The following ACOX1 variants were observed in gnomAD, a reference collection of about 807,000 sequenced individuals.
The protein encoded by ACOX1 is acyl-CoA oxidase 1, also known as peroxisomal acyl-coenzyme A oxidase 1.
ACOX1 carries 41 observed loss-of-function variants against 75.5 expected under a neutral mutation model. The ratio of observed to expected loss-of-function variants is 0.54; its 90% CI spans 0.42 to 0.70. The LOEUF is 0.70. ACOX1 is among the 30% of genes least tolerant of loss of function. ACOX1 has a pLI of 0.00. For synonymous variants in ACOX1, 303 were observed against 298.8 expected, an observed-to-expected ratio of 1.01 and a Z score of -0.15; for missense variants, 630 against 837.5, an observed-to-expected ratio of 0.75 and a Z score of 3.06.
intron 4 of ACOX1, among the ~76,000 whole-genome samples, chr17:75,956,965 CTCTCTCTATATA>C (rs1306428375): frequency 2.8e-4 from 4 of 14,358 alleles, no homozygotes; most frequent in African/African-American, 5.1e-4. Context: ...CTCTCTCTCT[CTCTCTCTATATA>C]TATATATATA....
rs1451805637 is a variant in ACOX1 at position 75,978,387 on chromosome 17, C to A, written c.269+147G>T. 7.1e-6 allele frequency: 8 copies of A among 1,129,340 alleles called. No individual in the cohort carries two copies. The highest frequency in any genetic ancestry group is 1.0e-5 in the Non-Finnish European group (8 of 773,654). 70.0% of individuals were successfully genotyped at this position (1,129,340 alleles called of 1,614,324 possible). A position where few individuals can be genotyped will look rare whatever the true frequency, so the allele number is the denominator to read the frequency against. On this transcript the variant is annotated intron_variant, in intron 2 of 13. Transcript: ENST00000293217. This position sits in a 1 kb window ranked among gnomAD's most constrained non-coding sequence, Gnocchi z 4.2. ...GGATTACAGGCGTGAGCCACCGCGC[C>A]CGGCCACACATATAACTTTATAAAG...
chr17:75,965,905 A>G (rs57278170), intron 2 of ACOX1, among the ~76,000 whole-genome samples: 8,787 of 151,466 alleles, frequency 0.058, 258 homozygotes, highest in East Asian at 0.096. Flanking sequence ...TGAGGCAGGC[A>G]GATCACCTGA....
rs2065772588 is a variant in ACOX1, at chr17:75,951,412, TACCTC to T, written c.1105_1107+2del. The T allele has an allele frequency of 6.2e-7, 1 of 1,613,910 alleles. No individual in the cohort carries two copies. Among genetic ancestry groups the T allele is most frequent in the Non-Finnish European group, 8.5e-7 (1 of 1,180,006 alleles). On this transcript the variant is annotated splice_donor_variant and coding_sequence_variant, in exon 8 of 14. Transcript: ENST00000293217. LOFTEE classifies it high-confidence loss of function. The stretch of plus-strand genomic sequence containing the variant: ...CCATGAGTGAATGAGACCAAACTCA[TACCTC>T]AGGCAGTTCACTCAGGTCCCCTTGA...
chr17:75,961,899 G>A (rs2065892195), intron 2 of ACOX1, among the ~76,000 whole-genome samples: 1 of 152,056 alleles, frequency 6.6e-6, no homozygotes, highest in African/African-American at 2.4e-5. Context: ...GAATTTGAGT[G>A]GTACTGGTAC....
chr17:75,950,630 G>GT lies in ACOX1; in HGVS notation c.1298+143dup. ...CTAGCCTCACCACGAAATAAAAACC[G>GT]TGAGTCAGGATGGAAGGCAAAAGTA... On this transcript the variant is annotated intron_variant, in intron 9 of 13. Coordinates refer to ENST00000293217, the MANE Select transcript of ACOX1 (RefSeq NM_004035.7). This position sits in a 1 kb window ranked among gnomAD's most constrained non-coding sequence, Gnocchi z 4.3. 1 of 834,006 alleles carries GT rather than the reference G, an allele frequency of 1.2e-6. No homozygotes were observed. Among genetic ancestry groups the GT allele is most frequent in the Non-Finnish European group, 1.9e-6 (1 of 527,354 alleles). The allele number at this position is 834,006 out of a possible 1,614,324, so 51.7% of individuals were successfully genotyped here. A position where few individuals can be genotyped will look rare whatever the true frequency, so the allele number is the denominator to read the frequency against.
rs182125087 is a variant in ACOX1, at chr17:75,954,497, T to C, written c.775-877A>G. 7.0e-3 allele frequency among the ~76,000 whole-genome samples: 897 copies of C among 128,930 alleles called. 8 individuals carry two copies. The Middle Eastern group carries it at 0.073, about 10-fold the overall frequency. The allele number at this position is 128,930 out of a possible 152,430, so 84.6% of individuals were successfully genotyped here. ...AAGATCACGCCACTGCACTCCAGCATGGGTGACAGAGACTCTCTCTCTCAA... is the reference window on the plus strand; with the variant it reads ...AAGATCACGCCACTGCACTCCAGCACGGGTGACAGAGACTCTCTCTCTCAA... On this transcript the variant is annotated intron_variant, in intron 6 of 13. Coordinates refer to ENST00000293217, the MANE Select transcript of ACOX1 (RefSeq NM_004035.7).
chr17:75,953,611 C>T lies in ACOX1; in HGVS notation c.784G>A (p.Asp262Asn). Residue 262 changes from aspartate (D) to asparagine (N), a missense_variant, in exon 7 of 14, where the codon GAT becomes AAT. Transcript: ENST00000293217. ...MLMKYAQVKP[D>N]GTYVKPLSNK... is the part of the protein sequence containing the mutation. ...CTCAGCGGTTTCACGTATGTGCCATCAGGCTTCACCTGGAAGAAGAACGTG... is the reference window on the plus strand; with the variant it reads ...CTCAGCGGTTTCACGTATGTGCCATTAGGCTTCACCTGGAAGAAGAACGTG... The T allele has an allele frequency of 6.2e-7, 1 of 1,614,126 alleles. No homozygotes were observed. Among genetic ancestry groups the T allele is most frequent in the East Asian group, 2.2e-5 (1 of 44,892 alleles).
intron 4 of ACOX1, among the ~76,000 whole-genome samples, 156 bp from the exon 5 acceptor site, chr17:75,956,103 T>C (rs2065822121): frequency 6.6e-6 from 1 of 152,176 alleles, no homozygotes; most frequent in Non-Finnish European, 1.5e-5. Flanking sequence ...CACCTAGCTT[T>C]CAGAAAGAAA....
Position 75,951,483 on chromosome 17 carries a change from A to G in ACOX1, c.1039T>C (p.Tyr347His). 1 of 1,614,168 alleles carries G rather than the reference A, an allele frequency of 6.2e-7. No individual in the cohort carries two copies. Among genetic ancestry groups the G allele is most frequent in the Non-Finnish European group, 8.5e-7 (1 of 1,180,022 alleles). ...ATCCGGTGATAGGTCTCCTTCATGTATGCGCCCACAAACTGGAAGGCATAG... is the reference window on the plus strand; with the variant it reads ...ATCCGGTGATAGGTCTCCTTCATGTGTGCGCCCACAAACTGGAAGGCATAG... ...TAYAFQFVGA[Y>H]MKETYHRINE... Residue 347 changes from tyrosine (Y) to histidine (H), a missense_variant, in exon 8 of 14, where the codon TAC (tyrosine) becomes CAC (histidine). By Grantham distance (83) the Tyr-to-His change is moderately conservative. Around this residue, in one of 2 missense-constraint regions of ACOX1, gnomAD observed 390 missense variants for 574.9 expected, o/e 0.68. Coordinates refer to ENST00000293217, the MANE Select transcript of ACOX1 (RefSeq NM_004035.7).
Position 75,978,885 on chromosome 17 carries a change from C to A in ACOX1, c.109+80G>T, listed in dbSNP as rs112007167. 6.2e-7 allele frequency: 1 copy of A among 1,600,970 alleles called. No individual in the cohort carries two copies. Among genetic ancestry groups the A allele is most frequent in the Non-Finnish European group, 8.5e-7 (1 of 1,177,916 alleles). ...AACGCTGGGCCAGAGGGCCTAGGCC[C>A]CACAGCGCCCCTGACTCCGCATCGA... On this transcript the variant is annotated intron_variant, in intron 1 of 13. Coordinates refer to ENST00000293217, the MANE Select transcript of ACOX1 (RefSeq NM_004035.7). This position sits in a 1 kb window ranked among gnomAD's most constrained non-coding sequence, Gnocchi z 4.2.
In ACOX1 at chr17:75,945,966, T is replaced by C. The variant is rs983570618; in HGVS notation, c.*782A>G. On this transcript the variant is annotated 3_prime_UTR_variant, in exon 14 of 14. Coordinates refer to ENST00000293217, the MANE Select transcript of ACOX1 (RefSeq NM_004035.7). ...TGGCTTATGCCAAGATGACAGAATATGTGAAATCTGATTGTCCCAGAGTTA... is the reference window on the plus strand; with the variant it reads ...TGGCTTATGCCAAGATGACAGAATACGTGAAATCTGATTGTCCCAGAGTTA... 1 of 152,146 alleles carries C rather than the reference T, an allele frequency of 6.6e-6. No individual in the cohort carries two copies. The highest frequency in any genetic ancestry group is 1.5e-5 in the Non-Finnish European group (1 of 68,064). The allele number at this position is 152,146 out of a possible 1,614,324, so 9.4% of individuals were successfully genotyped here.
chr17:75,958,057 T>C (rs1013674467), intron 3 of ACOX1, among the ~76,000 whole-genome samples: 7 of 152,152 alleles, frequency 4.6e-5, no homozygotes, highest in African/African-American at 1.4e-4. Flanking sequence ...AAAATTCGTA[T>C]AAATTAAAAA....
intron 8 of ACOX1, 44 bp from the exon 9 acceptor site, chr17:75,951,008 A>C (rs1295591633): frequency 1.3e-6 from 2 of 1,595,614 alleles, no homozygotes; most frequent in Non-Finnish European, 1.7e-6. Flanking sequence ...TGTGGTGCTG[A>C]GAGCCCGAGA....
In ACOX1 at chr17:75,950,191, G is replaced by A. The variant is rs1443840243; in HGVS notation, c.1299-294C>T. Among the ~76,000 whole-genome samples, 1 of 151,692 alleles carries A rather than the reference G, an allele frequency of 6.6e-6. No individual in the cohort carries two copies. Among genetic ancestry groups the A allele is most frequent in the South Asian group, 2.1e-4 (1 of 4,818 alleles). On this transcript the variant is annotated intron_variant, in intron 9 of 13. Coordinates refer to ENST00000293217, the MANE Select transcript of ACOX1 (RefSeq NM_004035.7). The surrounding 1 kb of genome is among the most constrained non-coding windows in gnomAD (Gnocchi z 4.3). ...GGTCTCTTAACTCCTGACCTCAAGT[G>A]ATCTACCCGGCTTGGCGTCCCAAAG... is the stretch of plus-strand genomic sequence containing the variant.
chr17:75,975,122 A>G (rs975821078), intron 2 of ACOX1, among the ~76,000 whole-genome samples: 4 of 149,944 alleles, frequency 2.7e-5, no homozygotes, highest in African/African-American at 9.8e-5. Context: ...TTATTTTTCT[A>G]TTTCCTAAAT....
chr17:75,978,599 G>A lies in ACOX1; in HGVS notation c.204C>T (p.Ala68=). The A allele has an allele frequency of 6.2e-7, 1 of 1,614,182 alleles. No individual in the cohort carries two copies. Among genetic ancestry groups the A allele is most frequent in the Non-Finnish European group, 8.5e-7 (1 of 1,180,042 alleles). The change falls in exon 2 of 14, where the codon GCC becomes GCT. Residue 68 remains alanine (A), a synonymous_variant. Coordinates refer to ENST00000293217, the MANE Select transcript of ACOX1 (RefSeq NM_004035.7). This position sits in a 1 kb window ranked among gnomAD's most constrained non-coding sequence, Gnocchi z 4.2. ...QRYEVAVRKS[A]IMVKKMREFG... Reference sequence around the variant, plus strand: ...ACTCCCTCATCTTCTTCACCATGATGGCACTTTTCCTGACAGCCACCTCAT... The same window carrying A: ...ACTCCCTCATCTTCTTCACCATGATAGCACTTTTCCTGACAGCCACCTCAT...
At chr17:75,957,255 A>G (rs2065842217) in intron 4 of ACOX1, among the ~76,000 whole-genome samples, 1 of 151,282 alleles carries the variant, frequency 6.6e-6, no homozygotes, top group Non-Finnish European at 1.5e-5. Context: ...TAATTTTTGT[A>G]TTTTTAGTAG....
At position 75,946,178 on chromosome 17, in the gene ACOX1, T is replaced by C. The variant is rs963809395; in HGVS notation, c.*570A>G. On this transcript the variant is annotated 3_prime_UTR_variant, in exon 14 of 14. Coordinates refer to ENST00000293217, the MANE Select transcript of ACOX1 (RefSeq NM_004035.7). ...ATGCTAGCATGAATAGTTTGATAAA[T>C]GCAATCCATCAGCAAAGGAGAGCAA... is the stretch of plus-strand genomic sequence containing the variant. 6.1e-6 allele frequency: 1 copy of C among 164,426 alleles called. No homozygotes were observed. The highest frequency in any genetic ancestry group is 1.7e-4 in the East Asian group (1 of 5,850). 10.2% of individuals were successfully genotyped at this position (164,426 alleles called of 1,614,324 possible).
Position 75,943,532 on chromosome 17 carries a change from A to C in ACOX1, c.*3216T>G, listed in dbSNP as rs2065693332. 6.6e-6 allele frequency: 1 copy of C among 152,068 alleles called. No individual in the cohort carries two copies. The highest frequency in any genetic ancestry group is 6.6e-5 in the Admixed American group (1 of 15,244). The allele number at this position is 152,068 out of a possible 1,614,324, so 9.4% of individuals were successfully genotyped here. A position where few individuals can be genotyped will look rare whatever the true frequency, so the allele number is the denominator to read the frequency against. On this transcript the variant is annotated 3_prime_UTR_variant, in exon 14 of 14. Coordinates refer to ENST00000293217, the MANE Select transcript of ACOX1 (RefSeq NM_004035.7). ...CAGCCTGGGTGAGAGTGAGACCCTCATGGGGTGGAAAAAAAAGATCTAACA... is the reference window on the plus strand; with the variant it reads ...CAGCCTGGGTGAGAGTGAGACCCTCCTGGGGTGGAAAAAAAAGATCTAACA...
Sources: allele counts gnomAD v4.1 joint callset (sites outside exome capture counted in the v4.1 genomes callset), GRCh38; gene constraint gnomAD v4.1.1; regional missense constraint gnomAD v4.1.1; non-coding constraint Gnocchi (gnomAD v3.1); transcripts MANE v1.5; gene names NCBI Gene and HGNC (gene_info 2026-07-23, HGNC 2026-07-21).